Variants in TBC1D5 observed in about 807,000 individuals in gnomAD.
The protein encoded by TBC1D5 is TBC1 domain family, member 5.
In TBC1D5, 75 loss-of-function variants were observed where a neutral mutation model predicts 100.3. The observed-to-expected ratio is 0.75, with a 90% CI of 0.62 to 0.91. The LOEUF (loss-of-function observed/expected upper bound fraction) is 0.91. Among genes scored for constraint, TBC1D5 ranks in the 40% least tolerant of loss-of-function variants. The probability of loss-of-function intolerance (pLI) is 0.00; values close to 1 mark genes in which losing one functional copy is unlikely to be tolerated. For synonymous variants in TBC1D5, 323 were observed against 325.6 expected, an observed-to-expected ratio of 0.99 and a Z score of 0.09; for missense variants, 910 against 942.4, an observed-to-expected ratio of 0.97 and a Z score of 0.45.
chr3:17,528,139 A>G (rs1438269767), intron 2 of TBC1D5, among the ~76,000 whole-genome samples: 1 of 152,064 alleles, frequency 6.6e-6, no homozygotes, highest in Admixed American at 6.6e-5. Context: ...GGCTCACTGC[A>G]GCCTCCACGT....
chr3:17,633,059 T>C (rs2063626131), intron 1 of TBC1D5, among the ~76,000 whole-genome samples: 1 of 152,160 alleles, frequency 6.6e-6, no homozygotes, highest in Non-Finnish European at 1.5e-5. Context: ...TGTTTCACCA[T>C]CTGCAATAAC....
At chr3:17,185,236 AT>A in intron 18 of TBC1D5, 28 bp from the exon 20 acceptor site, 1 of 1,587,362 alleles carries the variant, frequency 6.3e-7, no homozygotes, top group Non-Finnish European at 8.6e-7. Context: ...ACATATGGAA[AT>A]TTTTTAGAGA....
chr3:17,250,100 G>A (rs2077059546), intron 16 of TBC1D5, among the ~76,000 whole-genome samples: 1 of 152,350 alleles, frequency 6.6e-6, no homozygotes, highest in South Asian at 2.1e-4. Flanking sequence ...AGGTGTGCTT[G>A]TAATAATACA....
At chr3:17,158,038 T>A (rs1694964563) in exon 22 of TBC1D5, 1 of 152,224 alleles carries the variant, frequency 6.6e-6, no homozygotes. Context: ...TAGCAGGAGG[T>A]CAGCTTTGGA....
At chr3:17,686,986 T>C (rs1211725557) in intron 1 of TBC1D5, among the ~76,000 whole-genome samples, 4 of 152,116 alleles carry the variant, frequency 2.6e-5, no homozygotes, top group Admixed American at 2.0e-4. Context: ...AATATATATT[T>C]GGTTAATAGA....
chr3:17,637,198 T>A (rs2064035558), intron 1 of TBC1D5, among the ~76,000 whole-genome samples: 1 of 135,376 alleles, frequency 7.4e-6, no homozygotes, highest in Non-Finnish European at 1.6e-5. Flanking sequence ...ATTTTTTTTT[T>A]TTTTTTTTTT....
chr3:17,671,286 T>C (rs1296888563), intron 1 of TBC1D5, among the ~76,000 whole-genome samples: 1 of 152,138 alleles, frequency 6.6e-6, no homozygotes, highest in Non-Finnish European at 1.5e-5. Flanking sequence ...GCTCGTGGAA[T>C]AAATTAAGTG....
chr3:17,216,637 T>A (rs1318870657), intron 17 of TBC1D5, among the ~76,000 whole-genome samples: 1 of 152,084 alleles, frequency 6.6e-6, no homozygotes, highest in Non-Finnish European at 1.5e-5. Context: ...AAATTCCACC[T>A]AGGCCTTTAT....
chr3:17,635,117 CTG>C (rs2063796697), intron 1 of TBC1D5, among the ~76,000 whole-genome samples: 1 of 152,176 alleles, frequency 6.6e-6, no homozygotes, highest in Non-Finnish European at 1.5e-5. Flanking sequence ...GATGACTCCA[CTG>C]TTTCTGACTG....
chr3:17,584,122 A>G (rs2096717933), intron 2 of TBC1D5, among the ~76,000 whole-genome samples: 1 of 152,238 alleles, frequency 6.6e-6, no homozygotes, highest in South Asian at 2.1e-4. Flanking sequence ...TTCATATTAA[A>G]TATACAGAAC....
intron 1 of TBC1D5, among the ~76,000 whole-genome samples, chr3:17,679,117 G>C (rs959973534): frequency 6.7e-6 from 1 of 149,748 alleles, no homozygotes; most frequent in South Asian, 2.1e-4. Flanking sequence ...CCACGGATAT[G>C]AACAAAGTAA....
intron 3 of TBC1D5, among the ~76,000 whole-genome samples, chr3:17,458,655 C>T (rs746713384): frequency 3.3e-5 from 5 of 152,164 alleles, no homozygotes; most frequent in Non-Finnish European, 7.3e-5. Flanking sequence ...TCTCTAGATT[C>T]TGGGTCTGTC....
At chr3:17,696,315 GT>G (rs1388748940) in intron 1 of TBC1D5, among the ~76,000 whole-genome samples, 16 of 152,066 alleles carry the variant, frequency 1.1e-4, no homozygotes, top group Non-Finnish European at 2.2e-4. Flanking sequence ...CCAAGAGCTG[GT>G]TTTTTGAAAA....
intron 2 of TBC1D5, among the ~76,000 whole-genome samples, chr3:17,536,541 G>T (rs1255540355): frequency 6.6e-6 from 1 of 152,102 alleles, no homozygotes; most frequent in Non-Finnish European, 1.5e-5. Flanking sequence ...CTAAAACTCT[G>T]TAAAAATTGT....
At chr3:17,324,597 T>C (rs950307918) in intron 13 of TBC1D5, among the ~76,000 whole-genome samples, 20 of 152,094 alleles carry the variant, frequency 1.3e-4, no homozygotes, top group African/African-American at 4.6e-4. Context: ...TAAGCCTAGA[T>C]TGCACCACTG....
intron 1 of TBC1D5, among the ~76,000 whole-genome samples, chr3:17,629,008 T>A (rs1289108595): frequency 6.6e-6 from 1 of 152,248 alleles, no homozygotes; most frequent in African/African-American, 2.4e-5. Flanking sequence ...TAGAGGTATG[T>A]AGCATTAGTT....
chr3:17,540,178 C>T (rs1373206308), intron 2 of TBC1D5, among the ~76,000 whole-genome samples: 2 of 152,162 alleles, frequency 1.3e-5, no homozygotes, highest in Non-Finnish European at 2.9e-5. Flanking sequence ...CATTTTCAAA[C>T]CAAGCTGTTT....
At chr3:17,738,069 CCAT>C (rs2077099593) in intron 1 of TBC1D5, among the ~76,000 whole-genome samples, 1 of 152,236 alleles carries the variant, frequency 6.6e-6, no homozygotes, top group African/African-American at 2.4e-5. Context: ...TCCTTTCACA[CCAT>C]CACCAAAGAC....
Position 17,543,387 on chromosome 3 carries a change from C to A in TBC1D5, c.-35-34782G>T, listed in dbSNP as rs191675852. ...GTGGCTCACACCTGTAATCCCAGCA[C>A]CGTGGGAGGCCAAGGTGGGAGGATT... On this transcript the variant is annotated intron_variant, in intron 2 of 21. Coordinates refer to ENST00000253692, the Ensembl canonical transcript of TBC1D5. Among the ~76,000 whole-genome samples, 155 of 152,214 alleles carry A rather than the reference C, an allele frequency of 1.0e-3. 2 individuals carry two copies. In the South Asian group the frequency reaches 0.018, roughly 18 times the overall value.
Sources: gnomAD v4.1 joint callset for allele counts (sites outside exome capture counted in the v4.1 genomes callset) on GRCh38, gnomAD v4.1.1 for gene constraint, MANE v1.5 for transcripts, NCBI Gene and HGNC (gene_info 2026-07-23, HGNC 2026-07-21) for gene names.